PPP4R3B: variants seen among roughly 807,000 people sequenced by gnomAD.
PPP4R3B encodes the protein protein phosphatase 4 regulatory subunit 3B, also known as serine/threonine-protein phosphatase 4 regulatory subunit 3B.
In PPP4R3B, 52 loss-of-function variants were observed where a neutral mutation model predicts 95.4. That is an observed-to-expected ratio of 0.54 (90% confidence interval 0.44 to 0.69). The LOEUF (loss-of-function observed/expected upper bound fraction) is 0.69, where lower values mean the gene tolerates loss of function less well. PPP4R3B is among the 30% of genes least tolerant of loss of function. The probability of loss-of-function intolerance (pLI) is 0.00; values close to 1 mark genes in which losing one functional copy is unlikely to be tolerated. For synonymous variants in PPP4R3B, 407 were observed against 343.9 expected, an observed-to-expected ratio of 1.18 and a Z score of -2.03; for missense variants, 1,003 against 1,005.9, an observed-to-expected ratio of 1.00 and a Z score of 0.04.
rs545446340 is a variant in PPP4R3B, at chr2:55,577,440, T to C, written c.1565-84A>G. The C allele has an allele frequency of 1.0e-4, 127 of 1,222,838 alleles. 1 individual carries two copies. In the South Asian group the frequency reaches 2.7e-3, roughly 26 times the overall value. 75.7% of individuals were successfully genotyped at this position (1,222,838 alleles called of 1,614,324 possible). ...CTAGTACTTTATAATATACAATGCA[T>C]GTCTTCAATCATAATCTCCTTTTAC... On this transcript the variant is annotated intron_variant, in intron 10 of 16. Coordinates refer to ENST00000616407, the MANE Select transcript of PPP4R3B (RefSeq NM_001122964.3).
At chr2:55,558,075 A>C (rs1686082335) in intron 16 of PPP4R3B, among the ~76,000 whole-genome samples, 1 of 152,062 alleles carries the variant, frequency 6.6e-6, no homozygotes, top group Admixed American at 6.6e-5. Context: ...CCCCTACCTA[A>C]CTGGCAAATA....
chr2:55,598,665 T>G lies in PPP4R3B; in HGVS notation c.672A>C (p.Gly224=). 6.2e-7 allele frequency: 1 copy of G among 1,614,204 alleles called. No individual in the cohort carries two copies. ...FSDECIMDVV[G]CLEYDPALAQ... ...CCAAAGCAGGGTCATATTCAAGGCA[T>G]CCCACGACATCCATGATACACTCAT... The change falls in exon 4 of 17, where the codon GGA becomes GGC. Residue 224 remains glycine, a synonymous_variant. Coordinates refer to ENST00000616407, the MANE Select transcript of PPP4R3B (RefSeq NM_001122964.3).
intron 7 of PPP4R3B, among the ~76,000 whole-genome samples, chr2:55,584,641 T>G (rs562613081): frequency 1.6e-4 from 24 of 152,164 alleles, no homozygotes; most frequent in African/African-American, 5.6e-4. Context: ...AAAAATAGTC[T>G]CCAATCTCAC....
At chr2:55,583,636 G>A (rs1030168268) in intron 7 of PPP4R3B, among the ~76,000 whole-genome samples, 1 of 152,140 alleles carries the variant, frequency 6.6e-6, no homozygotes, top group African/African-American at 2.4e-5. Flanking sequence ...TTTGTAAAGG[G>A]TGGCATTAAG....
At chr2:55,593,545 C>G (rs1298831608) in intron 4 of PPP4R3B, among the ~76,000 whole-genome samples, 1 of 152,058 alleles carries the variant, frequency 6.6e-6, no homozygotes, top group African/African-American at 2.4e-5. Flanking sequence ...TCTAGAAACA[C>G]CTACTACCTA....
intron 15 of PPP4R3B, among the ~76,000 whole-genome samples, chr2:55,561,712 G>C (rs886453000): frequency 5.3e-5 from 8 of 152,268 alleles, no homozygotes; most frequent in Non-Finnish European, 1.0e-4. Context: ...CTTGCCCAGG[G>C]CCTGTAGCCC....
chr2:55,583,718 G>C (rs1216817399), intron 7 of PPP4R3B, among the ~76,000 whole-genome samples: 2 of 152,158 alleles, frequency 1.3e-5, no homozygotes, highest in African/African-American at 4.8e-5. Flanking sequence ...AGCATCATTT[G>C]ACATTGCAGC....
intron 2 of PPP4R3B, among the ~76,000 whole-genome samples, chr2:55,608,148 G>A (rs1693675654): frequency 6.6e-6 from 1 of 152,134 alleles, no homozygotes; most frequent in Admixed American, 6.5e-5. Context: ...GGGATTACAG[G>A]CGTGTGCCAC....
chr2:55,589,103 A>C, intron 4 of PPP4R3B, 147 bp from the exon 5 acceptor site: 1 of 541,108 alleles, frequency 1.8e-6, no homozygotes, highest in Non-Finnish European at 3.2e-6. Flanking sequence ...TCTGTGTTAC[A>C]ATTTTCTAAA....
intron 2 of PPP4R3B, chr2:55,615,204 C>T (rs1438571437): frequency 4.8e-6 from 2 of 412,924 alleles, no homozygotes; most frequent in Non-Finnish European, 8.7e-6. Flanking sequence ...TGGCTAACTA[C>T]AGTTAAATAA....
At position 55,592,577 on chromosome 2, in the gene PPP4R3B, G is replaced by T. The variant is rs566013301; in HGVS notation, c.922-3621C>A. Among the ~76,000 whole-genome samples the T allele has an allele frequency of 2.6e-5, 4 of 152,244 alleles. No homozygotes were observed. In the East Asian group the frequency reaches 7.7e-4, roughly 29 times the overall value. On this transcript the variant is annotated intron_variant, in intron 4 of 16. Transcript: ENST00000616407. ...CATACTTAATCTGTAACTGGGATGG[G>T]AAGTTAGAAATTTTTCTCTTTCCGT...
intron 7 of PPP4R3B, 146 bp downstream of exon 7, chr2:55,584,905 A>C: frequency 4.8e-6 from 3 of 619,096 alleles, no homozygotes; most frequent in Non-Finnish European, 8.2e-6. Flanking sequence ...CACATATTCT[A>C]ATTTGGCCAA....
chr2:55,581,614 G>C lies in PPP4R3B; in HGVS notation c.1318C>G (p.Leu440Val). ...TCTGGATCAATTAGAGTACGAAGAAGTCCCATTAACTGAACAGCGCCTCCT... is the reference window on the plus strand; with the variant it reads ...TCTGGATCAATTAGAGTACGAAGAACTCCCATTAACTGAACAGCGCCTCCT... Reference protein sequence around the residue: ...ELGGAVQLMGLLRTLIDPENM... With the variant: ...ELGGAVQLMGVLRTLIDPENM... The change falls in exon 8 of 17, where the codon CTT (leucine) becomes GTT (valine). Residue 440 changes from leucine (L) to valine (V), a missense_variant. Around this residue, in one of 3 missense-constraint regions of PPP4R3B, gnomAD observed 695 missense variants for 686.2 expected, o/e 1.01. Transcript: ENST00000616407. The C allele has an allele frequency of 6.2e-6, 10 of 1,613,606 alleles. No individual in the cohort carries two copies. The highest frequency in any genetic ancestry group is 8.5e-6 in the Non-Finnish European group (10 of 1,179,722).
intron 9 of PPP4R3B, among the ~76,000 whole-genome samples, chr2:55,579,354 G>A (rs1438900904): frequency 6.6e-6 from 1 of 151,766 alleles, no homozygotes; most frequent in African/African-American, 2.4e-5. Context: ...GCTTTCTTTT[G>A]ATAAGTGTCT....
intron 3 of PPP4R3B, among the ~76,000 whole-genome samples, chr2:55,602,382 T>C (rs527524317): frequency 2.0e-5 from 3 of 152,300 alleles, no homozygotes; most frequent in East Asian, 3.9e-4. Context: ...AGTTTGGCCC[T>C]TATCTAGCCC....
At chr2:55,572,263 A>G (rs1430752932) in intron 12 of PPP4R3B, among the ~76,000 whole-genome samples, 1 of 152,252 alleles carries the variant, frequency 6.6e-6, no homozygotes. Context: ...AAGTCATAAA[A>G]GGAAAAGAAA....
chr2:55,578,981 C>A (rs576297022), intron 9 of PPP4R3B, among the ~76,000 whole-genome samples: 1 of 152,110 alleles, frequency 6.6e-6, no homozygotes, highest in South Asian at 2.1e-4. Context: ...GTAATATCTA[C>A]AGTTAAGTTG....
At chr2:55,563,660 C>T (rs961123527) in intron 15 of PPP4R3B, among the ~76,000 whole-genome samples, 3 of 152,174 alleles carry the variant, frequency 2.0e-5, no homozygotes, top group East Asian at 1.9e-4. Flanking sequence ...AGACGTGAGC[C>T]GCCATGCCCA....
chr2:55,582,870 A>C (rs1032429208), intron 7 of PPP4R3B, among the ~76,000 whole-genome samples: 3 of 152,204 alleles, frequency 2.0e-5, no homozygotes, highest in Non-Finnish European at 4.4e-5. Context: ...TCATCCAGTC[A>C]GGTTCTGCAA....
Sources: gnomAD v4.1 joint callset for allele counts (sites outside exome capture counted in the v4.1 genomes callset) on GRCh38, gnomAD v4.1.1 for gene constraint, gnomAD v4.1.1 regional missense constraint, MANE v1.5 for transcripts, NCBI Gene and HGNC (gene_info 2026-07-23, HGNC 2026-07-21) for gene names.